The following GRK5 variants were observed in gnomAD, a reference collection of about 807,000 sequenced individuals.
GRK5 encodes G protein-coupled receptor kinase 5, also known as g protein-coupled receptor kinase GRK5.
GRK5 carries 40 observed loss-of-function variants against 78.4 expected under a neutral mutation model. The observed-to-expected ratio is 0.51, with a 90% CI of 0.40 to 0.66. The LOEUF (loss-of-function observed/expected upper bound fraction) is 0.66. Ranked by LOEUF, GRK5 falls within the 30% of genes least tolerant of loss-of-function variation. The pLI is 0.00. For missense variants in GRK5, 598 were observed against 759.9 expected, an observed-to-expected ratio of 0.79 and a Z score of 2.50; for synonymous variants, 289 against 296.8, an observed-to-expected ratio of 0.97 and a Z score of 0.27.
At chr10:119,214,584 A>G (rs1848541091) in intron 1 of GRK5, among the ~76,000 whole-genome samples, 1 of 151,996 alleles carries the variant, frequency 6.6e-6, no homozygotes, top group Non-Finnish European at 1.5e-5. Context: ...CAGTGGTGCC[A>G]TCTCAGCTCA....
In GRK5 at chr10:119,452,622, T is replaced by G. The variant is rs1224657034; in HGVS notation, c.1405-49T>G. ...ACCCCAAGGCCTGGCTCGGGGCCACTGGAGCCGCAGGCGGGACATATGTGT... is the reference window on the plus strand; with the variant it reads ...ACCCCAAGGCCTGGCTCGGGGCCACGGGAGCCGCAGGCGGGACATATGTGT... On this transcript the variant is annotated intron_variant, in intron 13 of 15. Transcript: ENST00000392870. The surrounding 1 kb of genome is among the most constrained non-coding windows in gnomAD (Gnocchi z 4.4). The G allele has an allele frequency of 2.5e-6, 4 of 1,610,074 alleles. No individual in the cohort carries two copies. Among genetic ancestry groups the G allele is most frequent in the Non-Finnish European group, 3.4e-6 (4 of 1,177,958 alleles).
At chr10:119,397,183 AG>A (rs1057367882) in intron 4 of GRK5, among the ~76,000 whole-genome samples, 14 of 152,216 alleles carry the variant, frequency 9.2e-5, no homozygotes, top group Non-Finnish European at 2.1e-4. Flanking sequence ...TGGGAGGGAA[AG>A]GGGGTGCCCA....
intron 2 of GRK5, among the ~76,000 whole-genome samples, chr10:119,371,985 C>T (rs1564908968): frequency 6.6e-6 from 1 of 152,230 alleles, no homozygotes; most frequent in Admixed American, 6.5e-5. Flanking sequence ...ACACTATTGC[C>T]ATTTGGAGCA....
chr10:119,227,980 C>T lies in GRK5; in HGVS notation c.52+20011C>T, dbSNP rs574168340. Among the ~76,000 whole-genome samples, 8 of 152,134 alleles carry T rather than the reference C, an allele frequency of 5.3e-5. No individual in the cohort carries two copies. The East Asian group carries it at 5.8e-4, about 11-fold the overall frequency. ...AGATTTTATCTTAAGGAAAAATTAG[C>T]GTACCAATGACGTGCAGGAAGTTGT... On this transcript the variant is annotated intron_variant, in intron 1 of 15. Coordinates refer to ENST00000392870, the MANE Select transcript of GRK5 (RefSeq NM_005308.3).
intron 2 of GRK5, chr10:119,333,656 G>T (rs933146334): frequency 4.6e-6 from 2 of 435,566 alleles, no homozygotes; most frequent in Admixed American, 2.4e-5. Flanking sequence ...CTACTTAGGT[G>T]CTCAAAGGGG....
intron 1 of GRK5, among the ~76,000 whole-genome samples, chr10:119,290,450 C>T (rs917045364): frequency 3.3e-5 from 5 of 151,772 alleles, no homozygotes; most frequent in African/African-American, 4.8e-5. Flanking sequence ...TTTCTTCTCT[C>T]GGACTTTTGC....
At chr10:119,343,703 A>G (rs1359501628) in intron 2 of GRK5, among the ~76,000 whole-genome samples, 3 of 152,310 alleles carry the variant, frequency 2.0e-5, no homozygotes, top group African/African-American at 7.2e-5. Context: ...TGGGCCCGGG[A>G]CACCAGCCAT....
At chr10:119,359,738 G>A (rs1477260309) in intron 2 of GRK5, among the ~76,000 whole-genome samples, 2 of 152,218 alleles carry the variant, frequency 1.3e-5, no homozygotes, top group Admixed American at 1.3e-4. Flanking sequence ...CACCCTGGAT[G>A]CAGGTGTTCG....
chr10:119,270,283 A>G (rs1401590751), intron 1 of GRK5, among the ~76,000 whole-genome samples: 1 of 152,168 alleles, frequency 6.6e-6, no homozygotes, highest in African/African-American at 2.4e-5. Flanking sequence ...TGCAACTTTC[A>G]CATCTGTGGA....
At position 119,326,530 on chromosome 10, in the gene GRK5, C is replaced by T. The variant is rs1023421469; in HGVS notation, c.67C>T (p.Arg23Cys). The change falls in exon 2 of 16, where the codon CGC (arginine) becomes TGC (cysteine). Residue 23 changes from arginine to cysteine, a missense_variant. Physicochemically the swap from Arg to Cys is radical, Grantham distance 180. Transcript: ENST00000392870. ...LKAREGGGGK[R>C]KGKSKKWKEI... ...CATCTCTGCAGGGGGCGGAGGAAAG[C>T]GCAAAGGGAAAAGCAAGAAGTGGAA... 5.6e-6 allele frequency: 9 copies of T among 1,613,976 alleles called. No homozygotes were observed. The highest frequency in any genetic ancestry group is 6.8e-6 in the Non-Finnish European group (8 of 1,179,866).
At chr10:119,319,747 C>T (rs558970361) in intron 1 of GRK5, among the ~76,000 whole-genome samples, 1 of 152,338 alleles carries the variant, frequency 6.6e-6, no homozygotes, top group South Asian at 2.1e-4. Context: ...GGGTGTGTGG[C>T]TTATTCCCTG....
At chr10:119,337,422 AG>A in intron 2 of GRK5, among the ~76,000 whole-genome samples, 1 of 152,280 alleles carries the variant, frequency 6.6e-6, no homozygotes, top group East Asian at 1.9e-4. Flanking sequence ...TGGAAGTCCA[AG>A]ATCAGGGTGT....
intron 13 of GRK5, among the ~76,000 whole-genome samples, chr10:119,448,881 C>A (rs924156104): frequency 6.6e-6 from 1 of 152,222 alleles, no homozygotes; most frequent in Non-Finnish European, 1.5e-5. Context: ...GAGCTCTCAG[C>A]TGGATCAGAG....
rs1403729905 is a variant in GRK5 at position 119,267,167 on chromosome 10, T to TGCGAGGCGGAGGTTGCA, written c.52+59204_52+59220dup. Among the ~76,000 whole-genome samples, 1 of 151,814 alleles carries TGCGAGGCGGAGGTTGCA rather than the reference T, an allele frequency of 6.6e-6. No homozygotes were observed. Among genetic ancestry groups the TGCGAGGCGGAGGTTGCA allele is most frequent in the Non-Finnish European group, 1.5e-5 (1 of 67,990 alleles). On this transcript the variant is annotated intron_variant, in intron 1 of 15. Coordinates refer to ENST00000392870, the MANE Select transcript of GRK5 (RefSeq NM_005308.3). This position sits in a 1 kb window ranked among gnomAD's most constrained non-coding sequence, Gnocchi z 4.1. ...CTGAGGAAGGAGAATTGCTTGAACC[T>TGCGAGGCGGAGGTTGCA]GCGAGGCGGAGGTTGCAGCGAGCCG...
At chr10:119,288,075 G>A (rs1228752502) in intron 1 of GRK5, among the ~76,000 whole-genome samples, 1 of 152,232 alleles carries the variant, frequency 6.6e-6, no homozygotes, top group African/African-American at 2.4e-5. Context: ...CCAGAGCGGG[G>A]AGGCCGTGGG....
Position 119,277,783 on chromosome 10 carries a change from CGCTTGTATTTTCTGGATTT to C in GRK5, c.53-48712_53-48694del, listed in dbSNP as rs1173709157. Among the ~76,000 whole-genome samples the C allele has an allele frequency of 3.3e-5, 5 of 152,254 alleles. No homozygotes were observed. The East Asian group carries it at 7.7e-4, about 23-fold the overall frequency. On this transcript the variant is annotated intron_variant, in intron 1 of 15. Transcript: ENST00000392870. ...TTCTTGCTTTCTGTCGCTCTGGATT[CGCTTGTATTTTCTGGATTT>C]GCTTGTATTTTCTGGATTTGTCTAT...
At chr10:119,391,457 T>A (rs1589781385) in intron 3 of GRK5, among the ~76,000 whole-genome samples, 1 of 150,916 alleles carries the variant, frequency 6.6e-6, no homozygotes, top group Non-Finnish European at 1.5e-5. Context: ...AATGGAGGAG[T>A]TTAATGAGGG....
chr10:119,411,362 T>C (rs1256058065), intron 4 of GRK5, among the ~76,000 whole-genome samples: 1 of 152,046 alleles, frequency 6.6e-6, no homozygotes, highest in Non-Finnish European at 1.5e-5. Context: ...CACACAAGAC[T>C]CCAGAGAGCC....
intron 4 of GRK5, among the ~76,000 whole-genome samples, chr10:119,407,440 T>A (rs897022900): frequency 1.3e-5 from 2 of 152,252 alleles, no homozygotes; most frequent in Non-Finnish European, 2.9e-5. Flanking sequence ...AGGTGCTTTT[T>A]CTTTAAGCCA....
Sources: gnomAD v4.1 joint callset for allele counts (sites outside exome capture counted in the v4.1 genomes callset) on GRCh38, gnomAD v4.1.1 for gene constraint, Gnocchi (gnomAD v3.1) non-coding constraint, MANE v1.5 for transcripts, NCBI Gene and HGNC (gene_info 2026-07-23, HGNC 2026-07-21) for gene names.